The following KHDRBS2 variants were observed in gnomAD, a reference collection of about 807,000 sequenced individuals.
The protein encoded by KHDRBS2 is KH RNA binding domain containing, signal transduction associated 2.
A neutral mutation model predicts 44.3 loss-of-function variants in KHDRBS2; 26 were observed. That is an observed-to-expected ratio of 0.59 (90% CI 0.43 to 0.81). The LOEUF (loss-of-function observed/expected upper bound fraction) is 0.81, where lower values mean the gene tolerates loss of function less well. Ranked by LOEUF, KHDRBS2 falls within the 40% of genes least tolerant of loss-of-function variation. The pLI is 0.00. For missense variants in KHDRBS2, 476 were observed against 433.1 expected (o/e 1.10, Z -0.88); for synonymous variants, 194 against 151.1 (o/e 1.28, Z -2.08).
At chr6:61,580,300 A>G in the KHDRBS2 span, among the ~76,000 whole-genome samples, 1 of 152,292 alleles carries the variant, frequency 6.6e-6, no homozygotes, top group Admixed American at 6.5e-5. Flanking sequence ...TTATAAATGC[A>G]CCAATCATTA....
At chr6:61,850,808 G>A (rs1212731830) in intron 6 of KHDRBS2, among the ~76,000 whole-genome samples, 1 of 152,078 alleles carries the variant, frequency 6.6e-6, no homozygotes, top group Non-Finnish European at 1.5e-5. Flanking sequence ...TAGGGGTGGG[G>A]TGGGCCTAAG....
At chr6:61,738,244 C>A (rs181893071) in intron 6 of KHDRBS2, among the ~76,000 whole-genome samples, 24 of 152,018 alleles carry the variant, frequency 1.6e-4, no homozygotes, top group Admixed American at 7.2e-4. Flanking sequence ...AAAAGAAAAC[C>A]TTCTAAATAA....
intron 4 of KHDRBS2, among the ~76,000 whole-genome samples, chr6:61,966,315 T>C (rs890957309): frequency 5.3e-5 from 8 of 152,060 alleles, no homozygotes; most frequent in African/African-American, 1.9e-4. Context: ...TACTTTTCAA[T>C]ATAGATCATA....
At chr6:62,250,645 AT>A (rs1334404617) in intron 1 of KHDRBS2, among the ~76,000 whole-genome samples, 4 of 152,004 alleles carry the variant, frequency 2.6e-5, no homozygotes, top group African/African-American at 9.7e-5. Flanking sequence ...GAAAACCAAC[AT>A]TTTTTTAATC....
intron 2 of KHDRBS2, among the ~76,000 whole-genome samples, chr6:62,069,442 T>C (rs554042459): frequency 6.6e-6 from 1 of 151,716 alleles, no homozygotes; most frequent in African/African-American, 2.4e-5. Flanking sequence ...ACAGTACATA[T>C]CAAGTTATTA....
intron 6 of KHDRBS2, among the ~76,000 whole-genome samples, chr6:61,835,333 G>A (rs984141365): frequency 6.6e-6 from 1 of 152,064 alleles, no homozygotes; most frequent in African/African-American, 2.4e-5. Flanking sequence ...CAATGGCAAT[G>A]AGGCATGAAA....
chr6:61,667,215 AGTG>A, the KHDRBS2 span, among the ~76,000 whole-genome samples: 1 of 150,634 alleles, frequency 6.6e-6, no homozygotes, highest in Admixed American at 6.7e-5. Context: ...ATTTTTATCT[AGTG>A]GTAGAATAAC....
At chr6:61,647,007 T>TG in the KHDRBS2 span, among the ~76,000 whole-genome samples, 3 of 151,934 alleles carry the variant, frequency 2.0e-5, no homozygotes, top group South Asian at 6.2e-4. Context: ...TTTATAGAGA[T>TG]GGGGTTTCAC....
rs144346146 is a variant in KHDRBS2 at position 61,894,792 on chromosome 6, C to T, written c.653G>A (p.Arg218Gln). 197 of 1,612,666 alleles carry T rather than the reference C, an allele frequency of 1.2e-4. 1 individual carries two copies. The African/African-American group carries it at 2.0e-3, about 16-fold the overall frequency. ...GCTTCCCCGAGGGGTGAGAACACCTCGTCCAGGTGGTGGGGGAGGAGGAAT... is the reference window on the plus strand; with the variant it reads ...GCTTCCCCGAGGGGTGAGAACACCTTGTCCAGGTGGTGGGGGAGGAGGAAT... ...GAIPPPPPPG[R>Q]GVLTPRGSTV... The change falls in exon 6 of 9, where the codon CGA becomes CAA. Residue 218 changes from arginine to glutamine, a missense_variant. Coordinates refer to ENST00000281156, the MANE Select transcript of KHDRBS2 (RefSeq NM_152688.4).
At chr6:61,901,434 A>G in intron 4 of KHDRBS2, 63 bp from the exon 5 acceptor site, 1 of 1,309,794 alleles carries the variant, frequency 7.6e-7, no homozygotes, top group Non-Finnish European at 1.0e-6. Flanking sequence ...AGTTGGAAAA[A>G]AAAAAAAAGA....
At chr6:61,608,411 A>C in the KHDRBS2 span, among the ~76,000 whole-genome samples, 1 of 152,012 alleles carries the variant, frequency 6.6e-6, no homozygotes, top group Non-Finnish European at 1.5e-5. Flanking sequence ...AATTTTGTTT[A>C]AGATGGTATT....
At position 62,217,465 on chromosome 6, in the gene KHDRBS2, C is replaced by T. The variant is rs1393305575; in HGVS notation, c.92-40153G>A. Reference sequence around the variant, plus strand: ...ACTAAATTCCAAATGCTGTCTTAGACTCAATCTTTATAATTGAAGAGTTGC... The same window carrying T: ...ACTAAATTCCAAATGCTGTCTTAGATTCAATCTTTATAATTGAAGAGTTGC... On this transcript the variant is annotated intron_variant, in intron 1 of 8. Coordinates refer to ENST00000281156, the MANE Select transcript of KHDRBS2 (RefSeq NM_152688.4). Among the ~76,000 whole-genome samples, 3 of 151,838 alleles carry T rather than the reference C, an allele frequency of 2.0e-5. 1 individual carries two copies. The highest frequency in any genetic ancestry group is 1.3e-4 in the Admixed American group (2 of 15,218).
At chr6:62,066,470 T>C (rs2127338275) in intron 2 of KHDRBS2, among the ~76,000 whole-genome samples, 2 of 151,878 alleles carry the variant, frequency 1.3e-5, no homozygotes, top group African/African-American at 4.8e-5. Context: ...AAATGAGCCA[T>C]AATGGAGCTA....
chr6:62,161,200 T>C (rs1404028758), intron 2 of KHDRBS2, among the ~76,000 whole-genome samples: 2 of 152,052 alleles, frequency 1.3e-5, no homozygotes, highest in Non-Finnish European at 2.9e-5. Flanking sequence ...CTCTTATAAA[T>C]AGCATATATT....
chr6:62,248,949 A>G (rs138647288), intron 1 of KHDRBS2, among the ~76,000 whole-genome samples: 104 of 152,226 alleles, frequency 6.8e-4, no homozygotes, highest in African/African-American at 2.4e-3. Flanking sequence ...GAGAAACAAA[A>G]CTAGCATAGA....
At chr6:62,030,407 A>T in intron 3 of KHDRBS2, among the ~76,000 whole-genome samples, 1 of 152,088 alleles carries the variant, frequency 6.6e-6, no homozygotes, top group East Asian at 1.9e-4. Context: ...TCATGAATCA[A>T]TTTGGTAAAA....
At chr6:61,828,855 A>G (rs1004347330) in intron 6 of KHDRBS2, among the ~76,000 whole-genome samples, 2 of 152,220 alleles carry the variant, frequency 1.3e-5, no homozygotes, top group African/African-American at 4.8e-5. Context: ...CTTTGTATAC[A>G]TGACACATAG....
chr6:61,958,910 A>ATC, intron 4 of KHDRBS2, among the ~76,000 whole-genome samples: 1 of 152,102 alleles, frequency 6.6e-6, no homozygotes, highest in East Asian at 1.9e-4. Context: ...GTCAATCCAA[A>ATC]TCTCTGTTGC....
the KHDRBS2 span, among the ~76,000 whole-genome samples, chr6:61,548,332 T>C: frequency 6.6e-6 from 1 of 152,142 alleles, no homozygotes; most frequent in Non-Finnish European, 1.5e-5. Flanking sequence ...GGCAGGAAGC[T>C]GAAATCATTA....
Sources: gnomAD v4.1 joint callset for allele counts (sites outside exome capture counted in the v4.1 genomes callset) on GRCh38, gnomAD v4.1.1 for gene constraint, MANE v1.5 for transcripts, NCBI Gene and HGNC (gene_info 2026-07-23, HGNC 2026-07-21) for gene names.